Variants in FBXW10 observed in about 807,000 individuals in gnomAD.
The protein encoded by FBXW10 is F-box and WD repeat domain containing 10.
A neutral mutation model predicts 113.1 loss-of-function variants in FBXW10; 68 were observed. The ratio of observed to expected loss-of-function variants is 0.60; its 90% CI spans 0.49 to 0.74. The LOEUF is 0.74. Ranked by LOEUF, FBXW10 falls within the 30% of genes least tolerant of loss-of-function variation. The pLI is 0.00. For missense variants in FBXW10, 753 were observed against 1,284.5 expected, an observed-to-expected ratio of 0.59 and a Z score of 6.32; for synonymous variants, 289 against 481.6, an observed-to-expected ratio of 0.60 and a Z score of 5.24.
At chr17:18,777,608 A>ATCT in intron 13 of FBXW10, among the ~76,000 whole-genome samples, 1 of 149,434 alleles carries the variant, frequency 6.7e-6, no homozygotes, top group African/African-American at 2.5e-5. Flanking sequence ...CAGTGGCGCG[A>ATCT]TCTTGGCTTA....
At chr17:18,747,552 G>A (rs1282903203) in intron 1 of FBXW10, among the ~76,000 whole-genome samples, 2 of 152,060 alleles carry the variant, frequency 1.3e-5, no homozygotes, top group East Asian at 1.9e-4. Flanking sequence ...GCAAAACTCA[G>A]TCTCAAAAAC....
At chr17:18,768,758 C>A in intron 10 of FBXW10, 82 bp downstream of exon 10, 2 of 1,396,772 alleles carry the variant, frequency 1.4e-6, no homozygotes, top group Non-Finnish European at 2.0e-6. Context: ...CATTGGCAGA[C>A]CTTCTGCTCC....
intron 6 of FBXW10, among the ~76,000 whole-genome samples, chr17:18,758,008 A>G (rs2035299470): frequency 6.6e-6 from 1 of 152,236 alleles, no homozygotes. Context: ...AATCCGGGCA[A>G]TGCCACATAC....
chr17:18,749,617 T>A, intron 2 of FBXW10, 105 bp from the exon 3 acceptor site: 3 of 1,491,190 alleles, frequency 2.0e-6, no homozygotes, highest in Non-Finnish European at 2.8e-6. Context: ...GGTTAGAGTC[T>A]GAGGAGGTTT....
At chr17:18,760,089 C>G (rs1446382018) in intron 7 of FBXW10, among the ~76,000 whole-genome samples, 4 of 152,142 alleles carry the variant, frequency 2.6e-5, no homozygotes, top group African/African-American at 9.7e-5. Context: ...TTCCCATTAG[C>G]AGCATATGAG....
chr17:18,778,623 C>T lies in FBXW10; in HGVS notation c.2484C>T (p.Ser828=), dbSNP rs561143642. 3.8e-5 allele frequency: 62 copies of T among 1,613,826 alleles called. No individual in the cohort carries two copies. Among genetic ancestry groups the T allele is most frequent in the Middle Eastern group, 1.7e-4 (1 of 6,054 alleles). Residue 828 remains serine (S), a synonymous_variant, in exon 14 of 14, where the codon TCC becomes TCT. Coordinates refer to ENST00000395665, the MANE Select transcript of FBXW10 (RefSeq NM_001267585.2). The part of the protein sequence containing the change: ...TVSALQHAHN[S]GEFAYPCRPQ... ...GCGCCCTGCAGCACGCCCATAATTC[C>T]GGGGAATTTGCCTATCCCTGTAGGC... is the stretch of plus-strand genomic sequence containing the variant.
intron 12 of FBXW10, among the ~76,000 whole-genome samples, chr17:18,774,858 G>A (rs1352162036): frequency 6.6e-6 from 1 of 152,134 alleles, no homozygotes; most frequent in Non-Finnish European, 1.5e-5. Context: ...AATAGCTAGA[G>A]GAGAAGATTT....
rs1406237218 is a variant in FBXW10 at position 18,768,680 on chromosome 17, G to C, written c.1847+4G>C. On this transcript the variant is annotated splice_donor_region_variant and intron_variant, in intron 10 of 13. Coordinates refer to ENST00000395665, the MANE Select transcript of FBXW10 (RefSeq NM_001267585.2). The stretch of plus-strand genomic sequence containing the variant: ...TGATGGCCTTCAAGCATCCCAAGTA[G>C]GTGCCTGTGAAGCCCGGAGCGATGA... 16 of 1,613,606 alleles carry C rather than the reference G, an allele frequency of 9.9e-6. No individual in the cohort carries two copies. Among genetic ancestry groups the C allele is most frequent in the African/African-American group, 1.3e-5 (1 of 74,866 alleles).
chr17:18,747,821 T>C, intron 1 of FBXW10, 120 bp from the exon 2 acceptor site: 1 of 1,440,160 alleles, frequency 6.9e-7, no homozygotes, highest in Non-Finnish European at 9.2e-7. Context: ...ACATAACTGC[T>C]CTGGTCCATT....
At chr17:18,759,958 C>T (rs775075540) in intron 7 of FBXW10, among the ~76,000 whole-genome samples, 14 of 152,218 alleles carry the variant, frequency 9.2e-5, no homozygotes, top group South Asian at 2.1e-4. Flanking sequence ...CTGCCAGAGA[C>T]GGGTCTTGGA....
chr17:18,772,714 G>C (rs911201000), intron 12 of FBXW10, 31 bp downstream of exon 12: 12 of 1,592,004 alleles, frequency 7.5e-6, no homozygotes, highest in Non-Finnish European at 1.0e-5. Flanking sequence ...CAAGTTCAGT[G>C]ATAACCCACA....
At chr17:18,770,904 T>C (rs924811441) in intron 11 of FBXW10, among the ~76,000 whole-genome samples, 15 of 152,146 alleles carry the variant, frequency 9.9e-5, no homozygotes, top group Admixed American at 3.9e-4. Context: ...TATATATGCG[T>C]AGACTCAGGG....
Position 18,772,700 on chromosome 17 carries a change from C to A in FBXW10, c.2278+17C>A, listed in dbSNP as rs373225292. 1.2e-6 allele frequency: 2 copies of A among 1,602,342 alleles called. No individual in the cohort carries two copies. The highest frequency in any genetic ancestry group is 1.7e-6 in the Non-Finnish European group (2 of 1,174,776). On this transcript the variant is annotated intron_variant, in intron 12 of 13. Transcript: ENST00000395665. The stretch of plus-strand genomic sequence containing the variant: ...TCTCTTCAGGTAAAAAACTGAAATA[C>A]CAGCAAGTTCAGTGATAACCCACAG...
At chr17:18,746,168 A>AC (rs1031896705) in intron 1 of FBXW10, among the ~76,000 whole-genome samples, 10 of 152,210 alleles carry the variant, frequency 6.6e-5, no homozygotes, top group African/African-American at 2.4e-4. Context: ...TGGGAAGGGC[A>AC]CCAAGCTATT....
chr17:18,750,737 A>G (rs993571562), intron 4 of FBXW10, among the ~76,000 whole-genome samples, 194 bp from the exon 5 acceptor site: 6 of 151,654 alleles, frequency 4.0e-5, no homozygotes, highest in Admixed American at 6.6e-5. Flanking sequence ...TTTGGTGTTT[A>G]TTTTTCTCCT....
intron 6 of FBXW10, among the ~76,000 whole-genome samples, chr17:18,757,107 T>G (rs1367326659): frequency 6.6e-6 from 1 of 152,128 alleles, no homozygotes; most frequent in South Asian, 2.1e-4. Context: ...CATATGTACA[T>G]GTATATATAT....
In FBXW10 at chr17:18,778,874, T is replaced by C; in HGVS notation, c.2735T>C (p.Met912Thr). The C allele has an allele frequency of 6.2e-7, 1 of 1,613,898 alleles. No individual in the cohort carries two copies. The highest frequency in any genetic ancestry group is 8.5e-7 in the Non-Finnish European group (1 of 1,179,868). The change falls in exon 14 of 14, where the codon ATG becomes ACG. Residue 912 changes from methionine to threonine, a missense_variant. Coordinates refer to ENST00000395665, the MANE Select transcript of FBXW10 (RefSeq NM_001267585.2). ...GTCCAGTCCACCATACCCCAGCCCA[T>C]GATTATCCGCTCCAGGTTCTCTGGC... ...PRVQSTIPQP[M>T]IIRSRFSGSL...
intron 8 of FBXW10, among the ~76,000 whole-genome samples, chr17:18,765,750 T>C (rs1441566885): frequency 1.3e-5 from 2 of 152,132 alleles, no homozygotes; most frequent in Non-Finnish European, 2.9e-5. Flanking sequence ...TTTTTTGAGA[T>C]GGAGTCTTGC....
In FBXW10 at chr17:18,744,858, G is replaced by A. The variant is rs566306292; in HGVS notation, c.505+109G>A. 3.9e-6 allele frequency: 6 copies of A among 1,541,520 alleles called. No individual in the cohort carries two copies. The South Asian group carries it at 6.2e-5, about 16-fold the overall frequency. On this transcript the variant is annotated intron_variant, in intron 1 of 13. Coordinates refer to ENST00000395665, the MANE Select transcript of FBXW10 (RefSeq NM_001267585.2). ...TAGACAACATAGGTAGACAGAGATT[G>A]CACAGAACTCAGCATAGGTTTTTTG... is the stretch of plus-strand genomic sequence containing the variant.
Sources: allele counts gnomAD v4.1 joint callset (sites outside exome capture counted in the v4.1 genomes callset), GRCh38; gene constraint gnomAD v4.1.1; transcripts MANE v1.5; gene names NCBI Gene and HGNC (gene_info 2026-07-23, HGNC 2026-07-21).